Variants in DNAJA4 observed in about 807,000 individuals in gnomAD.
DNAJA4 encodes dnaJ homolog subfamily A member 4.
A neutral mutation model predicts 39.7 loss-of-function variants in DNAJA4; 32 were observed. The observed-to-expected ratio is 0.81, with a 90% CI of 0.61 to 1.08. DNAJA4 has a LOEUF of 1.08. DNAJA4 is among the 50% of genes least tolerant of loss of function. The pLI, the probability that DNAJA4 is intolerant of heterozygous loss-of-function variation, is 0.00. For missense variants in DNAJA4, 439 were observed against 505.1 expected (o/e 0.87, Z 1.25); for synonymous variants, 184 against 182.4 (o/e 1.01, Z -0.07).
Position 78,278,713 on chromosome 15 carries a change from G to A in DNAJA4, c.878-1332G>A, listed in dbSNP as rs569866456. On this transcript the variant is annotated intron_variant, in intron 5 of 6. Transcript: ENST00000394852. Reference sequence around the variant, plus strand: ...GTCGCCCAGGCTGGAGTGCAATGGCGTGATCTTGGCTCACTGTACACTCTG... The same window carrying A: ...GTCGCCCAGGCTGGAGTGCAATGGCATGATCTTGGCTCACTGTACACTCTG... Among the ~76,000 whole-genome samples, 24 of 151,918 alleles carry A rather than the reference G, an allele frequency of 1.6e-4. No individual in the cohort carries two copies. In the East Asian group the frequency reaches 3.3e-3, roughly 21 times the overall value.
At chr15:78,266,220 A>C in intron 1 of DNAJA4, 2 of 1,613,736 alleles carry the variant, frequency 1.2e-6, no homozygotes, top group Non-Finnish European at 1.7e-6. Flanking sequence ...CTAATTTCAC[A>C]TTTCAGCAAG....
At chr15:78,271,062 C>T (rs965971230) in intron 2 of DNAJA4, among the ~76,000 whole-genome samples, 2 of 151,894 alleles carry the variant, frequency 1.3e-5, no homozygotes, top group Non-Finnish European at 2.9e-5. Context: ...AACAAACAAA[C>T]AAACAAACAA....
At position 78,280,646 on chromosome 15, in the gene DNAJA4, T is replaced by C; in HGVS notation, c.*186T>C. 1.8e-6 allele frequency: 1 copy of C among 564,306 alleles called. No homozygotes were observed. The highest frequency in any genetic ancestry group is 3.1e-6 in the Non-Finnish European group (1 of 321,626). 35.0% of individuals were successfully genotyped at this position (564,306 alleles called of 1,614,324 possible). A position where few individuals can be genotyped will look rare whatever the true frequency, so the allele number is the denominator to read the frequency against. On this transcript the variant is annotated 3_prime_UTR_variant, in exon 7 of 7. Coordinates refer to ENST00000394852, the MANE Select transcript of DNAJA4 (RefSeq NM_001130182.2). ...GTAACTTAAGTTATAGCTTAATTTATATTTAAATGTTTTAAGTATAAATCA... is the reference window on the plus strand; with the variant it reads ...GTAACTTAAGTTATAGCTTAATTTACATTTAAATGTTTTAAGTATAAATCA...
chr15:78,278,201 C>T (rs565994606), intron 5 of DNAJA4: 1 of 456,094 alleles, frequency 2.2e-6, no homozygotes, highest in African/African-American at 2.0e-5. Flanking sequence ...TGGTCTTCTT[C>T]TCTTACCTGT....
Position 78,275,682 on chromosome 15 carries a change from G to A in DNAJA4, c.831G>A (p.Thr277=), listed in dbSNP as rs148370822. 4.8e-5 allele frequency: 77 copies of A among 1,613,622 alleles called. No homozygotes were observed. The highest frequency in any genetic ancestry group is 1.0e-4 in the Admixed American group (6 of 59,978). ...LSEALCGFKK[T]IKTLDNRILV... ...AAGCTCTTTGTGGCTTCAAGAAGAC[G>A]ATAAAAACATTGGACAATCGAATTC... Residue 277 remains threonine (T), a synonymous_variant, in exon 5 of 7, where the codon ACG becomes ACA. Transcript: ENST00000394852.
At chr15:78,277,033 A>G (rs887040109) in intron 5 of DNAJA4, among the ~76,000 whole-genome samples, 3 of 152,258 alleles carry the variant, frequency 2.0e-5, no homozygotes, top group Non-Finnish European at 4.4e-5. Context: ...GAGTTTTAAA[A>G]TAAACTTATT....
At chr15:78,275,863 A>G (rs184860035) in intron 5 of DNAJA4, 135 bp downstream of exon 5, 237 of 652,046 alleles carry the variant, frequency 3.6e-4, no homozygotes, top group Non-Finnish European at 4.9e-5. Context: ...TGTCCCTTGC[A>G]TAAAATGGGT....
intron 1 of DNAJA4, chr15:78,266,097 G>A (rs2049115493): frequency 2.8e-6 from 2 of 715,636 alleles, no homozygotes; most frequent in Non-Finnish European, 4.6e-6. Flanking sequence ...ATGGCTTACT[G>A]TAGCTTTTAA....
chr15:78,267,183 T>TGTGTATGTGAGTGTGTGA (rs2049158463), intron 1 of DNAJA4, among the ~76,000 whole-genome samples: 9 of 74,282 alleles, frequency 1.2e-4, no homozygotes, highest in African/African-American at 4.4e-4. Context: ...AGTGTGTGAG[T>TGTGTATGTGAGTGTGTGA]GTGTGTGTGA....
At chr15:78,275,463 G>C in intron 4 of DNAJA4, 35 bp from the exon 5 acceptor site, 3 of 1,546,684 alleles carry the variant, frequency 1.9e-6, no homozygotes, top group Non-Finnish European at 2.7e-6. Flanking sequence ...GTTTGTATGA[G>C]AAATGGCTAA....
At chr15:78,275,946 TG>T (rs2049445476) in intron 5 of DNAJA4, among the ~76,000 whole-genome samples, 1 of 152,248 alleles carries the variant, frequency 6.6e-6, no homozygotes, top group African/African-American at 2.4e-5. Flanking sequence ...ATAGTTCCCC[TG>T]ATTTCACATT....
chr15:78,276,402 C>T (rs2049459127), intron 5 of DNAJA4, among the ~76,000 whole-genome samples: 1 of 152,218 alleles, frequency 6.6e-6, no homozygotes, highest in Admixed American at 6.5e-5. Context: ...GAAAGGGTTC[C>T]TGAGGCCTGA....
intron 2 of DNAJA4, among the ~76,000 whole-genome samples, chr15:78,270,950 C>A (rs993069679): frequency 6.6e-6 from 1 of 152,062 alleles, no homozygotes; most frequent in African/African-American, 2.4e-5. Flanking sequence ...CTGTAGTCTC[C>A]GCTACTTCTT....
chr15:78,273,980 C>A (rs989609909), intron 3 of DNAJA4, among the ~76,000 whole-genome samples: 29 of 152,148 alleles, frequency 1.9e-4, no homozygotes, highest in African/African-American at 6.8e-4. Context: ...TTGGTGCAGC[C>A]AAAATCACAA....
chr15:78,264,339 G>C (rs2049054145), upstream of DNAJA4: 43 of 1,444,006 alleles, frequency 3.0e-5, no homozygotes, highest in Non-Finnish European at 3.9e-5. Flanking sequence ...AGTCAGAGCT[G>C]GAGCTCCGGG....
rs1008052959 is a variant in DNAJA4 at position 78,281,398 on chromosome 15, C to T, written c.*938C>T. On this transcript the variant is annotated 3_prime_UTR_variant, in exon 7 of 7. Transcript: ENST00000394852. ...TGAGGGTCTGCAAAGGCATAGAACT[C>T]CCCAGTGTTTTCCACCTCATTCTCC... 1 of 152,300 alleles carries T rather than the reference C, an allele frequency of 6.6e-6. No homozygotes were observed. Among genetic ancestry groups the T allele is most frequent in the Admixed American group, 6.5e-5 (1 of 15,272 alleles). The allele number at this position is 152,300 out of a possible 1,614,324, so 9.4% of individuals were successfully genotyped here.
At position 78,264,594 on chromosome 15, in the gene DNAJA4, G is replaced by C. The variant is rs1305852890; in HGVS notation, c.-170G>C. Reference sequence around the variant, plus strand: ...TGGAGCCAGGCGTGGAAGTCGGTCCGGCGCGGGGCGGGGGGCGGGCGGGAG... The same window carrying C: ...TGGAGCCAGGCGTGGAAGTCGGTCCCGCGCGGGGCGGGGGGCGGGCGGGAG... On this transcript the variant is annotated 5_prime_UTR_variant, in exon 1 of 7. Coordinates refer to ENST00000394852, the MANE Select transcript of DNAJA4 (RefSeq NM_001130182.2). 2 of 1,170,444 alleles carry C rather than the reference G, an allele frequency of 1.7e-6. No homozygotes were observed. Among genetic ancestry groups the C allele is most frequent in the East Asian group, 7.7e-5 (2 of 26,114 alleles). The allele number at this position is 1,170,444 out of a possible 1,614,324, so 72.5% of individuals were successfully genotyped here.
Position 78,280,486 on chromosome 15 carries a change from C to T in DNAJA4, c.*26C>T. ...CGTGGTGCGGGGCAGCGTGGCCCCACCGGACTAGCACATGATGAATGTAAA... is the reference window on the plus strand; with the variant it reads ...CGTGGTGCGGGGCAGCGTGGCCCCATCGGACTAGCACATGATGAATGTAAA... On this transcript the variant is annotated 3_prime_UTR_variant, in exon 7 of 7. Transcript: ENST00000394852. The T allele has an allele frequency of 6.4e-7, 1 of 1,569,462 alleles. No homozygotes were observed. Among genetic ancestry groups the T allele is most frequent in the Non-Finnish European group, 8.7e-7 (1 of 1,151,550 alleles).
intron 1 of DNAJA4, chr15:78,266,428 T>G (rs1469006680): frequency 2.8e-6 from 2 of 715,978 alleles, no homozygotes; most frequent in South Asian, 1.9e-5. Flanking sequence ...CTGGGCAGGT[T>G]GTTTGGTTTG....
Sources: gnomAD v4.1 joint callset for allele counts (sites outside exome capture counted in the v4.1 genomes callset) on GRCh38, gnomAD v4.1.1 for gene constraint, MANE v1.5 for transcripts, NCBI Gene and HGNC (gene_info 2026-07-23, HGNC 2026-07-21) for gene names.